The following PPP6R3 variants were observed in gnomAD, a reference collection of about 807,000 sequenced individuals.
PPP6R3 encodes protein phosphatase 6 regulatory subunit 3, also known as serine/threonine-protein phosphatase 6 regulatory subunit 3.
In PPP6R3, 38 loss-of-function variants were observed where a neutral mutation model predicts 110.7. The observed-to-expected ratio is 0.34, with a 90% CI of 0.26 to 0.45. The LOEUF (loss-of-function observed/expected upper bound fraction) is 0.45, where lower values mean the gene tolerates loss of function less well. Ranked by LOEUF, PPP6R3 falls within the 20% of genes least tolerant of loss-of-function variation. The pLI, the probability that PPP6R3 is intolerant of heterozygous loss-of-function variation, is 1.00. For missense variants in PPP6R3, 870 were observed against 1,062.4 expected, an observed-to-expected ratio of 0.82 and a Z score of 2.52; for synonymous variants, 369 against 373.5, an observed-to-expected ratio of 0.99 and a Z score of 0.14.
intron 1 of PPP6R3, among the ~76,000 whole-genome samples, chr11:68,502,641 G>C (rs2099054480): frequency 6.6e-6 from 1 of 152,148 alleles, no homozygotes; most frequent in Non-Finnish European, 1.5e-5. Context: ...AGGCGGAACT[G>C]ACAATGTTTT....
At chr11:68,504,351 A>T (rs1196902192) in intron 1 of PPP6R3, among the ~76,000 whole-genome samples, 1 of 152,154 alleles carries the variant, frequency 6.6e-6, no homozygotes, top group Non-Finnish European at 1.5e-5. Context: ...GGTGCCTTTG[A>T]AAAGAGCTGT....
rs2153776878 is a variant in PPP6R3 at position 68,569,643 on chromosome 11, G to A, written c.1129-105G>A. On this transcript the variant is annotated intron_variant, in intron 10 of 23. Coordinates refer to ENST00000393800, the MANE Select transcript of PPP6R3 (RefSeq NM_001164161.2). ...CTTTTAATTGGTCCTTTTGGACTGA[G>A]AGCACATCATTTTTACTTTATTAAA... 5 of 1,041,916 alleles carry A rather than the reference G, an allele frequency of 4.8e-6. No homozygotes were observed. In the South Asian group the frequency reaches 7.6e-5, roughly 16 times the overall value. The allele number at this position is 1,041,916 out of a possible 1,614,324, so 64.5% of individuals were successfully genotyped here.
At chr11:68,591,412 G>A (rs931924746) in intron 17 of PPP6R3, among the ~76,000 whole-genome samples, 164 bp from the exon 18 acceptor site, 6 of 152,074 alleles carry the variant, frequency 3.9e-5, no homozygotes, top group African/African-American at 7.2e-5. Flanking sequence ...TTCTTGTTAC[G>A]GACACAGAAA....
rs143831587 is a variant in PPP6R3 at position 68,496,482 on chromosome 11, G to T, written c.-157-23019G>T. ...TGTGCCACTGCGCTTGCCTCATTTG[G>T]TTTTTTTTTGGAGACAGTCTTACTC... On this transcript the variant is annotated intron_variant, in intron 1 of 23. Transcript: ENST00000393800. Among the ~76,000 whole-genome samples the T allele has an allele frequency of 7.2e-3, 1,085 of 150,120 alleles. 17 individuals carry two copies. The highest frequency in any genetic ancestry group is 0.025 in the African/African-American group (1,032 of 40,876).
intron 18 of PPP6R3, among the ~76,000 whole-genome samples, chr11:68,594,281 AGAGAGAGAGAG>A (rs1351494437): frequency 1.3e-5 from 2 of 151,068 alleles, no homozygotes; most frequent in South Asian, 2.1e-4. Flanking sequence ...AGAGAGAGAG[AGAGAGAGAGAG>A]GAGAGAGGAG....
intron 1 of PPP6R3, among the ~76,000 whole-genome samples, chr11:68,513,717 A>T (rs967427722): frequency 6.6e-6 from 1 of 152,234 alleles, no homozygotes; most frequent in African/African-American, 2.4e-5. Context: ...TCTTCACATC[A>T]TATTCAATAC....
At chr11:68,487,485 G>T (rs2098955349) in intron 1 of PPP6R3, among the ~76,000 whole-genome samples, 1 of 151,832 alleles carries the variant, frequency 6.6e-6, no homozygotes, top group Admixed American at 6.6e-5. Context: ...CATGAGAATT[G>T]CCTGAACCTG....
chr11:68,504,390 C>G (rs2099064323), intron 1 of PPP6R3, among the ~76,000 whole-genome samples: 1 of 150,012 alleles, frequency 6.7e-6, no homozygotes, highest in Non-Finnish European at 1.5e-5. Context: ...CCCTGACCCT[C>G]TACTTTTTCA....
intron 18 of PPP6R3, among the ~76,000 whole-genome samples, chr11:68,594,289 AGAGGAGAGAGGAGAGAGAGAGAGAGAGAG>A (rs1176207402): frequency 1.6e-4 from 24 of 147,004 alleles, no homozygotes; most frequent in African/African-American, 5.8e-4. Flanking sequence ...AGAGAGAGAG[AGAGGAGAGAGGAGAGAGAGAGAGAGAGAG>A]AAAAAGAGAG....
In PPP6R3 at chr11:68,576,048, G is replaced by A; in HGVS notation, c.1545+5G>A. On this transcript the variant is annotated splice_donor_5th_base_variant and intron_variant, in intron 14 of 23. Coordinates refer to ENST00000393800, the MANE Select transcript of PPP6R3 (RefSeq NM_001164161.2). ...AAGAGGAACACGGTAGATCTAGTAG[G>A]TTTTACAAGGTTACATTTTTATTCT... 6.3e-7 allele frequency: 1 copy of A among 1,576,350 alleles called. No individual in the cohort carries two copies. Among genetic ancestry groups the A allele is most frequent in the Non-Finnish European group, 8.7e-7 (1 of 1,150,056 alleles).
intron 2 of PPP6R3, among the ~76,000 whole-genome samples, chr11:68,520,191 G>T (rs187275776): frequency 7.3e-4 from 111 of 152,236 alleles, no homozygotes; most frequent in African/African-American, 2.4e-3. Context: ...GGTCCTTTTG[G>T]GGGACATGCA....
chr11:68,507,245 C>CTTTTTTT (rs1565485429), intron 1 of PPP6R3, among the ~76,000 whole-genome samples: 2 of 121,604 alleles, frequency 1.6e-5, no homozygotes, highest in Non-Finnish European at 3.5e-5. Context: ...AGTCTTTTTG[C>CTTTTTTT]ATTTTTTTTT....
intron 1 of PPP6R3, among the ~76,000 whole-genome samples, chr11:68,514,052 G>A (rs549963556): frequency 9.2e-5 from 14 of 152,224 alleles, no homozygotes; most frequent in African/African-American, 3.4e-4. Flanking sequence ...GTAGTTATAC[G>A]CATTTTAATG....
At chr11:68,596,239 G>C in intron 19 of PPP6R3, 21 bp downstream of exon 19, 2 of 1,614,084 alleles carry the variant, frequency 1.2e-6, no homozygotes, top group South Asian at 2.2e-5. Context: ...TCATTCTTCA[G>C]ATCAGCTGCC....
At chr11:68,585,760 G>A (rs1566021530) in intron 15 of PPP6R3, among the ~76,000 whole-genome samples, 1 of 152,086 alleles carries the variant, frequency 6.6e-6, no homozygotes, top group South Asian at 2.1e-4. Context: ...AGTTACTAGT[G>A]TCTGTGTCAG....
At chr11:68,520,805 T>C (rs1428810074) in intron 2 of PPP6R3, among the ~76,000 whole-genome samples, 2 of 152,178 alleles carry the variant, frequency 1.3e-5, no homozygotes, top group Non-Finnish European at 2.9e-5. Flanking sequence ...AGGGTCTTGC[T>C]CTGTTGCCCA....
intron 4 of PPP6R3, among the ~76,000 whole-genome samples, chr11:68,546,203 T>C (rs1363272953): frequency 1.3e-5 from 2 of 152,242 alleles, no homozygotes; most frequent in African/African-American, 2.4e-5. Flanking sequence ...TCATGATTAA[T>C]GTAGATTGTC....
intron 4 of PPP6R3, among the ~76,000 whole-genome samples, chr11:68,547,748 C>T (rs1158044393): frequency 6.6e-6 from 1 of 152,128 alleles, no homozygotes; most frequent in Non-Finnish European, 1.5e-5. Flanking sequence ...TATTCTCTTG[C>T]TCTTTATAGG....
At chr11:68,563,312 C>T (rs1459007272) in intron 8 of PPP6R3, among the ~76,000 whole-genome samples, 1 of 152,156 alleles carries the variant, frequency 6.6e-6, no homozygotes, top group Admixed American at 6.5e-5. Context: ...CCTCTTCCAG[C>T]TTCTAGTAGT....
Sources: gnomAD v4.1 joint callset for allele counts (sites outside exome capture counted in the v4.1 genomes callset) on GRCh38, gnomAD v4.1.1 for gene constraint, MANE v1.5 for transcripts, NCBI Gene and HGNC (gene_info 2026-07-23, HGNC 2026-07-21) for gene names.